CLYBL: variants seen among roughly 807,000 people sequenced by gnomAD.
The protein encoded by CLYBL is citramalyl-CoA lyase, mitochondrial.
Under a neutral mutation model 38.9 loss-of-function variants are expected in CLYBL, and 31 were observed. The observed-to-expected ratio is 0.80, with a 90% CI of 0.60 to 1.08. The LOEUF (loss-of-function observed/expected upper bound fraction) is 1.08. Among genes scored for constraint, CLYBL ranks in the 50% least tolerant of loss-of-function variants. The probability of loss-of-function intolerance (pLI) is 0.00; values close to 1 mark genes in which losing one functional copy is unlikely to be tolerated. For missense variants in CLYBL, 434 were observed against 411.6 expected (o/e 1.05, Z -0.47); for synonymous variants, 171 against 158.6 (o/e 1.08, Z -0.59).
chr13:99,745,534 G>T (rs1245883657), intron 1 of CLYBL, among the ~76,000 whole-genome samples: 1 of 152,124 alleles, frequency 6.6e-6, no homozygotes, highest in South Asian at 2.1e-4. Flanking sequence ...ATATTTAAAG[G>T]AATTAGTGCT....
chr13:99,621,315 A>G (rs2046793074), intron 1 of CLYBL, among the ~76,000 whole-genome samples: 1 of 151,712 alleles, frequency 6.6e-6, no homozygotes, highest in South Asian at 2.1e-4. Flanking sequence ...CAGGCCGCTT[A>G]CCTGTGGCCC....
rs527490532 is a variant in CLYBL, at chr13:99,619,683, C to T, written c.62+12926C>T. On this transcript the variant is annotated intron_variant, in intron 1 of 8. Coordinates refer to ENST00000339105, the MANE Select transcript of CLYBL (RefSeq NM_206808.5). ...CTGGGGTTCAAGTCCAATGCTGACC[C>T]GCAGTTGGCCCTTGACCTTGTTCAA... Among the ~76,000 whole-genome samples, 8 of 152,132 alleles carry T rather than the reference C, an allele frequency of 5.3e-5. No homozygotes were observed. In the South Asian group the frequency reaches 6.2e-4, roughly 12 times the overall value.
intron 1 of CLYBL, among the ~76,000 whole-genome samples, chr13:99,746,425 A>AT (rs2048852962): frequency 6.7e-6 from 1 of 149,620 alleles, no homozygotes; most frequent in African/African-American, 2.5e-5. Flanking sequence ...AGTTTAGTGG[A>AT]TATTTCTGGT....
At chr13:99,675,734 C>G (rs1295871366) in intron 1 of CLYBL, among the ~76,000 whole-genome samples, 1 of 152,184 alleles carries the variant, frequency 6.6e-6, no homozygotes, top group Non-Finnish European at 1.5e-5. Context: ...AAATAATATT[C>G]CACTGTATGT....
Position 99,607,303 on chromosome 13 carries a change from C to CAA in CLYBL, c.62+554_62+555dup, listed in dbSNP as rs5806131. Among the ~76,000 whole-genome samples the CAA allele has an allele frequency of 3.4e-3, 521 of 151,326 alleles. 6 individuals carry two copies. The East Asian group carries it at 0.034, about 10-fold the overall frequency. On this transcript the variant is annotated intron_variant, in intron 1 of 8. Transcript: ENST00000339105. ...AATAACACTTTAATGCATAACTTCT[C>CAA]AAAAAAAAAGTGAGAAGATTGGCTC... is the stretch of plus-strand genomic sequence containing the variant.
At chr13:99,741,926 G>A (rs2048764870) in intron 1 of CLYBL, among the ~76,000 whole-genome samples, 1 of 152,150 alleles carries the variant, frequency 6.6e-6, no homozygotes, top group Non-Finnish European at 1.5e-5. Context: ...TCAGTAGTTC[G>A]TATGAGGTTG....
chr13:99,610,451 T>G (rs959397274), intron 1 of CLYBL, among the ~76,000 whole-genome samples: 1 of 152,196 alleles, frequency 6.6e-6, no homozygotes, highest in South Asian at 2.1e-4. Context: ...GGTTTATTGT[T>G]GTTGTTGTTT....
intron 1 of CLYBL, among the ~76,000 whole-genome samples, chr13:99,627,031 T>A (rs1175909438): frequency 6.6e-6 from 1 of 151,392 alleles, no homozygotes; most frequent in Non-Finnish European, 1.5e-5. Context: ...TTTGGGCTGG[T>A]GCTTTTGAAT....
chr13:99,778,931 G>T (rs2049580217), intron 2 of CLYBL, among the ~76,000 whole-genome samples: 1 of 152,128 alleles, frequency 6.6e-6, no homozygotes. Context: ...GTATTTAAAT[G>T]TAAATACTAA....
chr13:99,835,847 A>G (rs1566347008), intron 2 of CLYBL, among the ~76,000 whole-genome samples: 1 of 152,220 alleles, frequency 6.6e-6, no homozygotes, highest in Admixed American at 6.5e-5. Flanking sequence ...GATGCTGTGA[A>G]GGTATCACTG....
intron 3 of CLYBL, among the ~76,000 whole-genome samples, chr13:99,861,455 T>C (rs532610400): frequency 3.3e-5 from 5 of 152,320 alleles, no homozygotes; most frequent in African/African-American, 1.2e-4. Context: ...AAAATATCCC[T>C]ACTACATTTT....
chr13:99,763,548 CTTT>C (rs59409196), intron 1 of CLYBL, among the ~76,000 whole-genome samples: 10 of 116,106 alleles, frequency 8.6e-5, no homozygotes, highest in East Asian at 2.5e-4. Flanking sequence ...TCTTTTTATT[CTTT>C]TTTTTTTTTT....
At chr13:99,746,212 A>G (rs1471126169) in intron 1 of CLYBL, among the ~76,000 whole-genome samples, 1 of 152,166 alleles carries the variant, frequency 6.6e-6, no homozygotes, top group African/African-American at 2.4e-5. Flanking sequence ...TCTGTAAAAG[A>G]ATCCATGGTT....
At chr13:99,866,986 G>A (rs894185829) in intron 6 of CLYBL, among the ~76,000 whole-genome samples, 1 of 152,140 alleles carries the variant, frequency 6.6e-6, no homozygotes, top group African/African-American at 2.4e-5. Flanking sequence ...CTTGCAGTCC[G>A]GTCTGGGGCA....
At chr13:99,735,696 G>C (rs2048655276) in intron 1 of CLYBL, among the ~76,000 whole-genome samples, 1 of 152,062 alleles carries the variant, frequency 6.6e-6, no homozygotes, top group Non-Finnish European at 1.5e-5. Context: ...TATAAAACAG[G>C]CAGCAATAAT....
intron 1 of CLYBL, among the ~76,000 whole-genome samples, chr13:99,771,614 C>T (rs553727371): frequency 2.6e-5 from 4 of 152,220 alleles, no homozygotes; most frequent in East Asian, 1.9e-4. Context: ...ATGGTTTTCA[C>T]GGGATAAACT....
At chr13:99,858,015 C>T (rs1185891733) in intron 2 of CLYBL, among the ~76,000 whole-genome samples, 2 of 152,140 alleles carry the variant, frequency 1.3e-5, no homozygotes, top group East Asian at 1.9e-4. Context: ...TGCTTTCTTT[C>T]TCTTGACTCC....
At chr13:99,879,184 A>G (rs769139622) in intron 7 of CLYBL, among the ~76,000 whole-genome samples, 8 of 152,168 alleles carry the variant, frequency 5.3e-5, no homozygotes, top group Non-Finnish European at 1.2e-4. Context: ...ACTCTTGGTA[A>G]AGTCCTGAAT....
intron 2 of CLYBL, among the ~76,000 whole-genome samples, chr13:99,795,306 A>C (rs1050155777): frequency 6.6e-6 from 1 of 152,170 alleles, no homozygotes; most frequent in Non-Finnish European, 1.5e-5. Context: ...CTAGTCTAAG[A>C]AGCAGCATAT....
Sources: allele counts gnomAD v4.1 joint callset (sites outside exome capture counted in the v4.1 genomes callset), GRCh38; gene constraint gnomAD v4.1.1; transcripts MANE v1.5; gene names NCBI Gene and HGNC (gene_info 2026-07-23, HGNC 2026-07-21).